Variants in ZFYVE28 observed in about 807,000 individuals in gnomAD.
ZFYVE28 encodes lateral signaling target protein 2 homolog.
A neutral mutation model predicts 82.1 loss-of-function variants in ZFYVE28; 40 were observed. That is an observed-to-expected ratio of 0.49 (90% CI 0.38 to 0.63). The LOEUF (loss-of-function observed/expected upper bound fraction) is 0.63. Among genes scored for constraint, ZFYVE28 ranks in the 30% least tolerant of loss-of-function variants. The pLI, the probability that ZFYVE28 is intolerant of heterozygous loss-of-function variation, is 0.00. For missense variants in ZFYVE28, 1,321 were observed against 1,242.1 expected, an observed-to-expected ratio of 1.06 and a Z score of -0.96; for synonymous variants, 612 against 546.1, an observed-to-expected ratio of 1.12 and a Z score of -1.68.
At chr4:2,340,185 A>G (rs1722563416) in intron 3 of ZFYVE28, among the ~76,000 whole-genome samples, 1 of 152,140 alleles carries the variant, frequency 6.6e-6, no homozygotes, top group Non-Finnish European at 1.5e-5. Context: ...CAAGTTGCTC[A>G]CTGCCAGAGA....
chr4:2,352,835 G>A (rs1294100967), intron 2 of ZFYVE28, among the ~76,000 whole-genome samples: 2 of 152,162 alleles, frequency 1.3e-5, no homozygotes, highest in Non-Finnish European at 2.9e-5. Flanking sequence ...AGGGAACAGA[G>A]CCCCTCCCCA....
Position 2,417,590 on chromosome 4 carries a change from A to G in ZFYVE28, c.39+695T>C, listed in dbSNP as rs557896536. 1.5e-4 allele frequency among the ~76,000 whole-genome samples: 23 copies of G among 152,062 alleles called. No individual in the cohort carries two copies. Among genetic ancestry groups the G allele is most frequent in the African/African-American group, 5.3e-4 (22 of 41,512 alleles). On this transcript the variant is annotated intron_variant, in intron 1 of 12. Coordinates refer to ENST00000290974, the MANE Select transcript of ZFYVE28 (RefSeq NM_020972.3). The surrounding 1 kb of genome is among the most constrained non-coding windows in gnomAD (Gnocchi z 4.8). ...GCGGAGGACCTGTCCCGGATTCCAG[A>G]GGACGTGGGTGGGGAAGGGACAAGG...
Position 2,337,541 on chromosome 4 carries a change from G to A in ZFYVE28, c.522-45C>T, listed in dbSNP as rs760295978. 1.8e-5 allele frequency: 28 copies of A among 1,521,286 alleles called. No individual in the cohort carries two copies. In the Admixed American group the frequency reaches 1.9e-4, roughly 11 times the overall value. The allele number at this position is 1,521,286 out of a possible 1,614,324, so 94.2% of individuals were successfully genotyped here. On this transcript the variant is annotated intron_variant, in intron 4 of 12. Transcript: ENST00000290974. ...TGTGAGGCCGCACCTGGGCTGTGGC[G>A]GGGCCCCTCCAAAACAGAGTGGGGG...
intron 1 of ZFYVE28, among the ~76,000 whole-genome samples, chr4:2,403,153 C>A (rs1172923088): frequency 6.6e-6 from 1 of 152,266 alleles, no homozygotes; most frequent in South Asian, 2.1e-4. Flanking sequence ...CCCCAGCTGC[C>A]TTCTCCTCAG....
At position 2,305,482 on chromosome 4, in the gene ZFYVE28, G is replaced by C; in HGVS notation, c.858C>G (p.Leu286=). 6.2e-7 allele frequency: 1 copy of C among 1,612,952 alleles called. No individual in the cohort carries two copies. Among genetic ancestry groups the C allele is most frequent in the Non-Finnish European group, 8.5e-7 (1 of 1,180,022 alleles). ...GGAACTCCACGTCTTGGGAAATGCAGAGGTTCCGTTCCAGCGTGTGCAGCT... is the reference window on the plus strand; with the variant it reads ...GGAACTCCACGTCTTGGGAAATGCACAGGTTCCGTTCCAGCGTGTGCAGCT... The part of the protein sequence containing the change: ...EEELHTLERN[L]CISQDVEFPI... Residue 286 remains leucine (L), a synonymous_variant, in exon 8 of 13, where the codon CTC becomes CTG. Transcript: ENST00000290974.
At chr4:2,356,711 C>T (rs1725385314) in intron 1 of ZFYVE28, among the ~76,000 whole-genome samples, 1 of 152,198 alleles carries the variant, frequency 6.6e-6, no homozygotes, top group Admixed American at 6.5e-5. Flanking sequence ...TAACCTTGTT[C>T]CTGCTCTACT....
At position 2,389,943 on chromosome 4, in the gene ZFYVE28, C is replaced by T. The variant is rs960770325; in HGVS notation, c.39+28342G>A. Among the ~76,000 whole-genome samples, 10 of 152,364 alleles carry T rather than the reference C, an allele frequency of 6.6e-5. 1 individual carries two copies. The highest frequency in any genetic ancestry group is 3.4e-3 in the Middle Eastern group (1 of 294). On this transcript the variant is annotated intron_variant, in intron 1 of 12. Transcript: ENST00000290974. ...CCTCCTGCCTGGCTTGGACGCCCAA[C>T]GCCTCCCTTCCTCCCGCCCACCAGA...
intron 1 of ZFYVE28, among the ~76,000 whole-genome samples, chr4:2,393,721 G>A (rs1194105098): frequency 2.6e-5 from 4 of 152,316 alleles, no homozygotes; most frequent in African/African-American, 4.8e-5. Context: ...CCTTGCCGCT[G>A]CCCCTCCTCC....
chr4:2,304,208 G>A (rs1716112418), intron 8 of ZFYVE28, 81 bp downstream of exon 8: 1 of 1,480,188 alleles, frequency 6.8e-7, no homozygotes, highest in Non-Finnish European at 9.0e-7. Flanking sequence ...TAGAAACACT[G>A]CAATGCTTGG....
chr4:2,290,400 G>A (rs1713440090), intron 8 of ZFYVE28, among the ~76,000 whole-genome samples: 1 of 152,212 alleles, frequency 6.6e-6, no homozygotes, highest in Non-Finnish European at 1.5e-5. Context: ...GCAGGTTGCA[G>A]GCCCCAAGGG....
At chr4:2,282,897 G>A (rs1712144254) in intron 8 of ZFYVE28, among the ~76,000 whole-genome samples, 1 of 152,232 alleles carries the variant, frequency 6.6e-6, no homozygotes, top group East Asian at 1.9e-4. Context: ...GCGTAACATA[G>A]CAAGACTCTA....
chr4:2,279,098 A>G (rs1711561369), intron 8 of ZFYVE28, among the ~76,000 whole-genome samples: 3 of 152,226 alleles, frequency 2.0e-5, no homozygotes, highest in Non-Finnish European at 4.4e-5. Flanking sequence ...ATATAATGGA[A>G]TAAGTTTTCA....
intron 1 of ZFYVE28, among the ~76,000 whole-genome samples, chr4:2,387,982 G>A (rs899096915): frequency 2.0e-5 from 3 of 152,238 alleles, no homozygotes; most frequent in Non-Finnish European, 4.4e-5. Context: ...GCAGCCCTGT[G>A]TCTGGAGTCG....
intron 1 of ZFYVE28, among the ~76,000 whole-genome samples, chr4:2,389,334 G>A (rs1351157333): frequency 6.6e-6 from 1 of 152,196 alleles, no homozygotes; most frequent in Non-Finnish European, 1.5e-5. Context: ...TCTGTGACAT[G>A]AGAGGCCAGC....
chr4:2,331,022 G>A, intron 6 of ZFYVE28: 4 of 1,442,888 alleles, frequency 2.8e-6, no homozygotes, highest in Non-Finnish European at 3.7e-6. Context: ...TCCTGCACGT[G>A]TTCTGGGATG....
intron 1 of ZFYVE28, among the ~76,000 whole-genome samples, chr4:2,393,346 G>A (rs1239212596): frequency 6.6e-6 from 1 of 152,212 alleles, no homozygotes; most frequent in African/African-American, 2.4e-5. Context: ...AAAACTCCTG[G>A]GCTGGGAATT....
chr4:2,279,717 C>T (rs892955534), intron 8 of ZFYVE28, among the ~76,000 whole-genome samples: 6 of 149,726 alleles, frequency 4.0e-5, no homozygotes. Context: ...GGAGGCGGAG[C>T]TTGCAGTGAG....
Position 2,409,771 on chromosome 4 carries a change from G to T in ZFYVE28, c.39+8514C>A, listed in dbSNP as rs182945285. On this transcript the variant is annotated intron_variant, in intron 1 of 12. Coordinates refer to ENST00000290974, the MANE Select transcript of ZFYVE28 (RefSeq NM_020972.3). The surrounding 1 kb of genome is among the most constrained non-coding windows in gnomAD (Gnocchi z 4.4). ...AAATTTGTCAGAACTACCCAACCAC[G>T]ATCAATCCCAGACACAGAACTCCTT... is the stretch of plus-strand genomic sequence containing the variant. 6.6e-6 allele frequency among the ~76,000 whole-genome samples: 1 copy of T among 152,220 alleles called. No individual in the cohort carries two copies. The highest frequency in any genetic ancestry group is 1.5e-5 in the Non-Finnish European group (1 of 68,038).
At chr4:2,334,742 C>T (rs1721319853) in intron 6 of ZFYVE28, among the ~76,000 whole-genome samples, 1 of 59,734 alleles carries the variant, frequency 1.7e-5, no homozygotes, top group Non-Finnish European at 3.5e-5. Context: ...CTGGACCCTC[C>T]CCCTTCCCCC....
Sources: gnomAD v4.1 joint callset for allele counts (sites outside exome capture counted in the v4.1 genomes callset) on GRCh38, gnomAD v4.1.1 for gene constraint, Gnocchi (gnomAD v3.1) non-coding constraint, MANE v1.5 for transcripts, NCBI Gene and HGNC (gene_info 2026-07-23, HGNC 2026-07-21) for gene names.